ITGA9: variants seen among roughly 807,000 people sequenced by gnomAD.
ITGA9 encodes the protein integrin alpha-9.
In ITGA9, 56 loss-of-function variants were observed where a neutral mutation model predicts 127.8. The ratio of observed to expected loss-of-function variants is 0.44; its 90% CI spans 0.35 to 0.55. The LOEUF (loss-of-function observed/expected upper bound fraction) is 0.55, where lower values mean the gene tolerates loss of function less well. ITGA9 is among the 20% of genes least tolerant of loss of function. The pLI, the probability that ITGA9 is intolerant of heterozygous loss-of-function variation, is 0.00. For missense variants in ITGA9, 1,196 were observed against 1,347.1 expected, an observed-to-expected ratio of 0.89 and a Z score of 1.76; for synonymous variants, 508 against 514.5, an observed-to-expected ratio of 0.99 and a Z score of 0.17.
intron 15 of ITGA9, among the ~76,000 whole-genome samples, chr3:37,605,489 C>T (rs888962212): frequency 1.3e-5 from 2 of 152,134 alleles, no homozygotes; most frequent in Non-Finnish European, 2.9e-5. Flanking sequence ...CAGACTGGAG[C>T]GAATTCTAAT....
chr3:37,649,983 G>T (rs1194766367), intron 16 of ITGA9, among the ~76,000 whole-genome samples: 1 of 152,210 alleles, frequency 6.6e-6, no homozygotes, highest in African/African-American at 2.4e-5. Flanking sequence ...ACAGCTCTCT[G>T]TTCCATATAA....
At chr3:37,609,390 T>G (rs1212454198) in intron 15 of ITGA9, among the ~76,000 whole-genome samples, 3 of 152,196 alleles carry the variant, frequency 2.0e-5, no homozygotes. Context: ...TATTTACCTT[T>G]GAAAACCTCA....
chr3:37,735,144 A>G (rs183546367), intron 19 of ITGA9, among the ~76,000 whole-genome samples: 1 of 152,306 alleles, frequency 6.6e-6, no homozygotes. Flanking sequence ...AGTTTCTGAC[A>G]TTCTGTTCTT....
chr3:37,716,940 A>C (rs1701141786), intron 18 of ITGA9, among the ~76,000 whole-genome samples: 1 of 152,122 alleles, frequency 6.6e-6, no homozygotes, highest in Non-Finnish European at 1.5e-5. Flanking sequence ...GCTCTTGTAA[A>C]ACTGTCTTGC....
chr3:37,736,697 G>A (rs1050394342), intron 19 of ITGA9, among the ~76,000 whole-genome samples: 15 of 152,152 alleles, frequency 9.9e-5, no homozygotes, highest in African/African-American at 2.7e-4. Context: ...GGCGGAACAG[G>A]AGCAGCAGGT....
rs149308919 is a variant in ITGA9, at chr3:37,777,191, G to A, written c.2542-201G>A. Among the ~76,000 whole-genome samples, 365 of 152,258 alleles carry A rather than the reference G, an allele frequency of 2.4e-3. 1 individual carries two copies. Among genetic ancestry groups the A allele is most frequent in the African/African-American group, 8.4e-3 (350 of 41,556 alleles). On this transcript the variant is annotated intron_variant, in intron 23 of 27. Coordinates refer to ENST00000264741, the MANE Select transcript of ITGA9 (RefSeq NM_002207.3). ...TCTCATCAATTATTGGGGGACCTAAGATCCACATTTTCTATTATTTGGCCC... is the reference window on the plus strand; with the variant it reads ...TCTCATCAATTATTGGGGGACCTAAAATCCACATTTTCTATTATTTGGCCC...
chr3:37,613,057 C>G lies in ITGA9; in HGVS notation c.1690-16130C>G, dbSNP rs190230333. ...ATTCATGTGCCATGTTGGTGTGCTG[C>G]ACCCATTAACTCGTCATTTATCATT... On this transcript the variant is annotated intron_variant, in intron 15 of 27. Transcript: ENST00000264741. Among the ~76,000 whole-genome samples, 11 of 151,908 alleles carry G rather than the reference C, an allele frequency of 7.2e-5. No individual in the cohort carries two copies. The East Asian group carries it at 1.9e-3, about 27-fold the overall frequency.
chr3:37,583,569 A>T (rs1406202461), intron 15 of ITGA9, among the ~76,000 whole-genome samples: 1 of 152,154 alleles, frequency 6.6e-6, no homozygotes, highest in African/African-American at 2.4e-5. Context: ...TTACTGGTTC[A>T]TCTGTACCTT....
chr3:37,805,736 C>T (rs1697287452), intron 27 of ITGA9: 1 of 152,128 alleles, frequency 6.6e-6, no homozygotes, highest in African/African-American at 2.4e-5. Flanking sequence ...GATCTCAGCT[C>T]ACTGCAACCT....
At chr3:37,734,455 G>A (rs1024278642) in intron 19 of ITGA9, among the ~76,000 whole-genome samples, 4 of 152,170 alleles carry the variant, frequency 2.6e-5, no homozygotes, top group African/African-American at 7.2e-5. Context: ...GACCTAAGAT[G>A]TGTCTTTCTC....
In ITGA9 at chr3:37,803,877, A is replaced by G. The variant is rs1381546346; in HGVS notation, c.2944A>G (p.Ile982Val). Residue 982 changes from isoleucine to valine, a missense_variant, in exon 27 of 28, where the codon ATC becomes GTC. Coordinates refer to ENST00000264741, the MANE Select transcript of ITGA9 (RefSeq NM_002207.3). ...LEPRGYVVGW[I>V]IAISLLVGIL... ...GCCCCGTGGCTACGTCGTGGGGTGGATCATCGCCATCAGTTTGTTGGTGGG... is the reference window on the plus strand; with the variant it reads ...GCCCCGTGGCTACGTCGTGGGGTGGGTCATCGCCATCAGTTTGTTGGTGGG... The G allele has an allele frequency of 6.2e-7, 1 of 1,614,114 alleles. No homozygotes were observed. The highest frequency in any genetic ancestry group is 1.3e-5 in the African/African-American group (1 of 75,022).
At chr3:37,616,690 G>A (rs1379902404) in intron 15 of ITGA9, among the ~76,000 whole-genome samples, 2 of 152,170 alleles carry the variant, frequency 1.3e-5, no homozygotes, top group Non-Finnish European at 2.9e-5. Context: ...AGCTCTTCTT[G>A]TTGAATTGAT....
chr3:37,513,423 T>G (rs111626658), intron 8 of ITGA9, among the ~76,000 whole-genome samples: 6,850 of 152,224 alleles, frequency 0.045, 415 homozygotes, highest in South Asian at 0.2. Flanking sequence ...GAGGGATGTT[T>G]CTTTTTTTTT....
intron 16 of ITGA9, among the ~76,000 whole-genome samples, chr3:37,635,703 A>G (rs1269384092): frequency 6.6e-6 from 1 of 151,700 alleles, no homozygotes; most frequent in Non-Finnish European, 1.5e-5. Context: ...ATATGTATAC[A>G]TGTGCCATGT....
chr3:37,683,287 T>G (rs1349269059), intron 17 of ITGA9, among the ~76,000 whole-genome samples: 1 of 152,236 alleles, frequency 6.6e-6, no homozygotes, highest in African/African-American at 2.4e-5. Flanking sequence ...GGGTTTGTAC[T>G]GAGAAGTCAC....
At chr3:37,644,459 T>C (rs1700359286) in intron 16 of ITGA9, among the ~76,000 whole-genome samples, 1 of 152,152 alleles carries the variant, frequency 6.6e-6, no homozygotes, top group African/African-American at 2.4e-5. Context: ...GGGTGGATGA[T>C]GGGAGGTTGC....
intron 5 of ITGA9, among the ~76,000 whole-genome samples, chr3:37,498,187 G>A (rs1189197228): frequency 2.0e-5 from 3 of 152,196 alleles, no homozygotes; most frequent in Non-Finnish European, 4.4e-5. Flanking sequence ...GGGAGTGTGC[G>A]ATGTTTTTAG....
intron 3 of ITGA9, 35 bp downstream of exon 3, chr3:37,473,495 T>TGGCA: frequency 1.3e-6 from 2 of 1,493,678 alleles, no homozygotes; most frequent in Non-Finnish European, 9.3e-7. Flanking sequence ...GGGAAGGGGG[T>TGGCA]GGCACTCTGA....
At chr3:37,471,441 G>A (rs187997505) in intron 2 of ITGA9, among the ~76,000 whole-genome samples, 1 of 152,300 alleles carries the variant, frequency 6.6e-6, no homozygotes, top group East Asian at 1.9e-4. Flanking sequence ...AATCTAGATA[G>A]GAGGGTCAAG....
Sources: allele counts gnomAD v4.1 joint callset (sites outside exome capture counted in the v4.1 genomes callset), GRCh38; gene constraint gnomAD v4.1.1; transcripts MANE v1.5; gene names NCBI Gene and HGNC (gene_info 2026-07-23, HGNC 2026-07-21).